INPP5B: variants seen among roughly 807,000 people sequenced by gnomAD.
INPP5B encodes the protein type II inositol 1,4,5-trisphosphate 5-phosphatase.
A neutral mutation model predicts 118.5 loss-of-function variants in INPP5B; 90 were observed. The observed-to-expected ratio is 0.76, with a 90% CI of 0.64 to 0.90. INPP5B has a LOEUF of 0.90. Ranked by LOEUF, INPP5B falls within the 40% of genes least tolerant of loss-of-function variation. The probability of loss-of-function intolerance (pLI) is 0.00; values close to 1 mark genes in which losing one functional copy is unlikely to be tolerated. For synonymous variants in INPP5B, 385 were observed against 418.9 expected (o/e 0.92, Z 0.99); for missense variants, 984 against 1,125.6 (o/e 0.87, Z 1.80).
chr1:37,885,418 A>G (rs1643470312), intron 13 of INPP5B: 1 of 457,902 alleles, frequency 2.2e-6, no homozygotes, highest in Admixed American at 3.5e-5. Context: ...CATCTCGAAA[A>G]AAAAAAAAGT....
At chr1:37,904,001 T>C (rs984316699) in intron 7 of INPP5B, among the ~76,000 whole-genome samples, 1 of 152,142 alleles carries the variant, frequency 6.6e-6, no homozygotes, top group African/African-American at 2.4e-5. Flanking sequence ...GCAAGGTGTG[T>C]AAAGAAACTG....
intron 19 of INPP5B, among the ~76,000 whole-genome samples, chr1:37,869,764 A>C (rs1000409440): frequency 2.0e-5 from 3 of 151,486 alleles, no homozygotes; most frequent in Non-Finnish European, 4.4e-5. Context: ...ACAGGCGTGA[A>C]CCACTGCACC....
At chr1:37,862,551 A>G in intron 23 of INPP5B, 121 bp from the exon 24 acceptor site, 7 of 692,040 alleles carry the variant, frequency 1.0e-5, no homozygotes, top group South Asian at 3.3e-5. Flanking sequence ...TCATTGTGCA[A>G]ACATCATAGC....
At chr1:37,889,138 G>A (rs1367413460) in intron 9 of INPP5B, among the ~76,000 whole-genome samples, 5 of 152,214 alleles carry the variant, frequency 3.3e-5, no homozygotes, top group Admixed American at 1.3e-4. Context: ...TCCAGCAGCT[G>A]AGGTGGGAGG....
rs1429805549 is a variant in INPP5B, at chr1:37,861,120, T to C, written c.*1195A>G. On this transcript the variant is annotated 3_prime_UTR_variant, in exon 24 of 24. Transcript: ENST00000373024. The stretch of plus-strand genomic sequence containing the variant: ...CCGAGATTACAGGCGTGAGCCACTG[T>C]GCCTGGTCATTTTAATTTTTTAAAT... The C allele has an allele frequency of 2.6e-5, 4 of 152,254 alleles. No individual in the cohort carries two copies. The highest frequency in any genetic ancestry group is 4.4e-5 in the Non-Finnish European group (3 of 68,054). 9.4% of individuals were successfully genotyped at this position (152,254 alleles called of 1,614,324 possible).
chr1:37,927,289 C>A (rs986517173), intron 7 of INPP5B, among the ~76,000 whole-genome samples: 2 of 151,126 alleles, frequency 1.3e-5, no homozygotes, highest in Admixed American at 1.3e-4. Flanking sequence ...AGCAAGACTC[C>A]GTCTCAAAAA....
chr1:37,888,833 G>C (rs1015447224), intron 9 of INPP5B, among the ~76,000 whole-genome samples: 47 of 152,084 alleles, frequency 3.1e-4, no homozygotes, highest in African/African-American at 1.1e-3. Context: ...TATTAATTTA[G>C]CTTTTAGTAA....
chr1:37,877,695 T>C (rs1309797204), intron 16 of INPP5B, among the ~76,000 whole-genome samples: 30 of 152,180 alleles, frequency 2.0e-4, no homozygotes. Context: ...TAGCAAAACT[T>C]TGGAAATAAC....
rs1177382906 is a variant in INPP5B at position 37,861,623 on chromosome 1, G to C, written c.*692C>G. 1.3e-5 allele frequency: 2 copies of C among 152,106 alleles called. No homozygotes were observed. The highest frequency in any genetic ancestry group is 4.8e-5 in the African/African-American group (2 of 41,354). 9.4% of individuals were successfully genotyped at this position (152,106 alleles called of 1,614,324 possible). ...CGGACGCCTATAATCCCAGCTACTC[G>C]AGAGGCTGAGGCAGGAGAATTGCTT... On this transcript the variant is annotated 3_prime_UTR_variant, in exon 24 of 24. Transcript: ENST00000373024.
At chr1:37,913,499 T>C (rs2148608846) in intron 7 of INPP5B, among the ~76,000 whole-genome samples, 1 of 152,272 alleles carries the variant, frequency 6.6e-6, no homozygotes, top group East Asian at 1.9e-4. Context: ...GGACCTTGTG[T>C]CTTCCGTTTA....
At chr1:37,867,791 C>G (rs1642135213) in intron 20 of INPP5B, among the ~76,000 whole-genome samples, 1 of 152,088 alleles carries the variant, frequency 6.6e-6, no homozygotes, top group Admixed American at 6.5e-5. Flanking sequence ...AGAAATCAGG[C>G]CTCCAAATTT....
intron 7 of INPP5B, among the ~76,000 whole-genome samples, chr1:37,925,944 C>T (rs928245433): frequency 6.6e-6 from 1 of 152,116 alleles, no homozygotes; most frequent in Non-Finnish European, 1.5e-5. Context: ...GCAGAGCTTC[C>T]CACAACGGTG....
chr1:37,931,320 C>T, intron 7 of INPP5B: 2 of 853,580 alleles, frequency 2.3e-6, no homozygotes, highest in South Asian at 3.5e-5. Context: ...CCGCCCCACG[C>T]GACAAACTCG....
intron 6 of INPP5B, 49 bp from the exon 7 acceptor site, chr1:37,932,102 G>T: frequency 6.7e-7 from 1 of 1,499,476 alleles, no homozygotes; most frequent in Non-Finnish European, 8.9e-7. Context: ...TTGAAGAGCC[G>T]GCTCTGCATG....
chr1:37,910,483 T>C (rs1243701327), intron 7 of INPP5B, among the ~76,000 whole-genome samples: 4 of 152,002 alleles, frequency 2.6e-5, no homozygotes, highest in African/African-American at 9.7e-5. Flanking sequence ...ATTGCCTCCT[T>C]TTCCCCCAGT....
rs775051579 is a variant in INPP5B, at chr1:37,873,104, G to A, written c.2013C>T (p.Asn671=). The A allele has an allele frequency of 1.2e-6, 2 of 1,614,002 alleles. No individual in the cohort carries two copies. The highest frequency in any genetic ancestry group is 2.7e-5 in the African/African-American group (2 of 74,922). ...FVNKMTATKL[N]SGEDKIEDIL... is the part of the protein sequence containing the mutation. ...TGTCCTCAATTTTGTCTTCACCCGA[G>A]TTGAGCTTTGTAGCTGTCATCTTAT... The change falls in exon 19 of 24, where the codon AAC becomes AAT. Residue 671 remains asparagine, a synonymous_variant. Transcript: ENST00000373024.
At chr1:37,927,561 G>A (rs1464981946) in intron 7 of INPP5B, among the ~76,000 whole-genome samples, 2 of 146,766 alleles carry the variant, frequency 1.4e-5, no homozygotes, top group Admixed American at 1.4e-4. Context: ...TTTTGAGACA[G>A]AGTCTCGCTC....
At chr1:37,942,916 A>G (rs1161831409) in intron 5 of INPP5B, among the ~76,000 whole-genome samples, 4 of 139,584 alleles carry the variant, frequency 2.9e-5, no homozygotes, top group African/African-American at 1.0e-4. Context: ...CAAGAAAGAG[A>G]GAGAGAGAGA....
rs150362573 is a variant in INPP5B, at chr1:37,889,300, T to C, written c.797+257A>G. Among the ~76,000 whole-genome samples the C allele has an allele frequency of 4.0e-3, 610 of 152,188 alleles. 1 individual carries two copies. Among genetic ancestry groups the C allele is most frequent in the African/African-American group, 0.014 (579 of 41,518 alleles). The stretch of plus-strand genomic sequence containing the variant: ...GCGCTCCTTCTTCTGTACCCATTTG[T>C]CTCCACAAATATTTCTGTAACTATC... On this transcript the variant is annotated intron_variant, in intron 9 of 23. Coordinates refer to ENST00000373024, the MANE Select transcript of INPP5B (RefSeq NM_005540.3).
Sources: allele counts gnomAD v4.1 joint callset (sites outside exome capture counted in the v4.1 genomes callset), GRCh38; gene constraint gnomAD v4.1.1; transcripts MANE v1.5; gene names NCBI Gene and HGNC (gene_info 2026-07-23, HGNC 2026-07-21).